LRP11: variants seen among roughly 807,000 people sequenced by gnomAD.
LRP11 encodes low-density lipoprotein receptor-related protein 11.
LRP11 carries 25 observed loss-of-function variants against 43.1 expected under a neutral mutation model. The observed-to-expected ratio is 0.58, with a 90% CI of 0.42 to 0.81. The LOEUF (loss-of-function observed/expected upper bound fraction) is 0.81, where lower values mean the gene tolerates loss of function less well. Ranked by LOEUF, LRP11 falls within the 30% of genes least tolerant of loss-of-function variation. The pLI is 0.00. For missense variants in LRP11, 623 were observed against 665.1 expected, an observed-to-expected ratio of 0.94 and a Z score of 0.70; for synonymous variants, 316 against 299.4, an observed-to-expected ratio of 1.06 and a Z score of -0.57.
At chr6:149,835,114 AGT>A (rs1396104417) in intron 5 of LRP11, among the ~76,000 whole-genome samples, 1 of 152,218 alleles carries the variant, frequency 6.6e-6, no homozygotes, top group Non-Finnish European at 1.5e-5. Context: ...GCAAATAATA[AGT>A]GTGTAAAAAA....
chr6:149,820,395 A>G lies in LRP11; in HGVS notation c.*154T>C, dbSNP rs14314. 2 of 469,484 alleles carry G rather than the reference A, an allele frequency of 4.3e-6. No homozygotes were observed. 29.1% of individuals were successfully genotyped at this position (469,484 alleles called of 1,614,324 possible). On this transcript the variant is annotated 3_prime_UTR_variant, in exon 7 of 7. Transcript: ENST00000239367. ...AAAATATTTTATGACTTCTAAGGAA[A>G]CTTTTTTTACAATAAATAATAAAGA...
chr6:149,857,250 G>A (rs189482272), intron 1 of LRP11, among the ~76,000 whole-genome samples: 3 of 152,232 alleles, frequency 2.0e-5, no homozygotes, highest in African/African-American at 7.2e-5. Context: ...AAACAGACGC[G>A]GCCGGGTGTG....
intron 6 of LRP11, among the ~76,000 whole-genome samples, chr6:149,823,115 C>A (rs1013045757): frequency 6.6e-6 from 1 of 152,086 alleles, no homozygotes; most frequent in African/African-American, 2.4e-5. Context: ...AATAGGAGGA[C>A]AACCGCTATA....
intron 3 of LRP11, among the ~76,000 whole-genome samples, chr6:149,842,335 T>C (rs899658912): frequency 6.6e-6 from 1 of 152,232 alleles, no homozygotes; most frequent in African/African-American, 2.4e-5. Flanking sequence ...TATGTTTGCA[T>C]TGTGGAATGA....
rs937348365 is a variant in LRP11 at position 149,819,991 on chromosome 6, AAGGC to A, written c.*554_*557del. On this transcript the variant is annotated 3_prime_UTR_variant, in exon 7 of 7. Transcript: ENST00000239367. ...GGAAGGACCCACACTCACCTTCCCT[AAGGC>A]TTACTGACTTGTACATAAGGTTTAT... 1 of 152,634 alleles carries A rather than the reference AAGGC, an allele frequency of 6.6e-6. No individual in the cohort carries two copies. Among genetic ancestry groups the A allele is most frequent in the Non-Finnish European group, 1.5e-5 (1 of 68,418 alleles). The allele number at this position is 152,634 out of a possible 1,614,324, so 9.5% of individuals were successfully genotyped here. A position where few individuals can be genotyped will look rare whatever the true frequency, so the allele number is the denominator to read the frequency against.
chr6:149,858,412 A>G (rs1776835488), intron 1 of LRP11, among the ~76,000 whole-genome samples: 1 of 152,164 alleles, frequency 6.6e-6, no homozygotes, highest in South Asian at 2.1e-4. Context: ...TCCATGGAGT[A>G]TATGTGCCAC....
intron 2 of LRP11, chr6:149,852,637 T>G (rs1046408011): frequency 1.2e-5 from 2 of 166,070 alleles, no homozygotes; most frequent in African/African-American, 4.7e-5. Flanking sequence ...TAGACTCCTT[T>G]GTAGTTTCAA....
rs57292379 is a variant in LRP11, at chr6:149,847,824, TACACACACACACACACACACAC to T, written c.772-4722_772-4701del. Among the ~76,000 whole-genome samples the T allele has an allele frequency of 2.7e-3, 354 of 131,130 alleles. 1 individual carries two copies. The highest frequency in any genetic ancestry group is 4.1e-3 in the Non-Finnish European group (252 of 61,478). The allele number at this position is 131,130 out of a possible 152,430, so 86.0% of individuals were successfully genotyped here. On this transcript the variant is annotated intron_variant, in intron 2 of 6. Transcript: ENST00000239367. ...CTTCTCATATATGTCTAAACTAAAT[TACACACACACACACACACACAC>T]ACACACACACACACACACACACACA...
rs187995159 is a variant in LRP11 at position 149,838,481 on chromosome 6, C to T, written c.914-1018G>A. Among the ~76,000 whole-genome samples, 558 of 151,416 alleles carry T rather than the reference C, an allele frequency of 3.7e-3. 3 individuals are homozygous for T. The highest frequency in any genetic ancestry group is 0.012 in the African/African-American group (508 of 41,334). On this transcript the variant is annotated intron_variant, in intron 3 of 6. Coordinates refer to ENST00000239367, the MANE Select transcript of LRP11 (RefSeq NM_032832.6). ...CGGGTGGATCACAAGGTCAGGAGAT[C>T]GAGACCATCCTGGCTAACACGGTGA...
At chr6:149,860,508 T>C (rs116008360) in intron 1 of LRP11, among the ~76,000 whole-genome samples, 240 of 149,032 alleles carry the variant, frequency 1.6e-3, no homozygotes, top group African/African-American at 5.6e-3. Flanking sequence ...AACAGTATCA[T>C]GTACATGCGT....
chr6:149,823,215 G>A (rs1236116991), intron 6 of LRP11, among the ~76,000 whole-genome samples: 1 of 152,212 alleles, frequency 6.6e-6, no homozygotes, highest in Non-Finnish European at 1.5e-5. Flanking sequence ...GTCAAGTGAG[G>A]TGAAGCCTGG....
At chr6:149,825,147 AAAG>A (rs1172110344) in intron 6 of LRP11, among the ~76,000 whole-genome samples, 2 of 152,184 alleles carry the variant, frequency 1.3e-5, no homozygotes, top group African/African-American at 4.8e-5. Context: ...AATAGGGTAA[AAAG>A]AAAGTTTTCT....
At chr6:149,829,597 A>T (rs1051812690) in intron 5 of LRP11, among the ~76,000 whole-genome samples, 1 of 151,824 alleles carries the variant, frequency 6.6e-6, no homozygotes, top group African/African-American at 2.4e-5. Context: ...AAAAATAAAA[A>T]TAAAATTAAA....
chr6:149,862,119 C>G (rs1466273859), intron 1 of LRP11, among the ~76,000 whole-genome samples: 1 of 152,172 alleles, frequency 6.6e-6, no homozygotes, highest in South Asian at 2.1e-4. Flanking sequence ...GCTATGGAGT[C>G]CTTCCCAGTG....
intron 5 of LRP11, 139 bp downstream of exon 5, chr6:149,835,944 CCG>C: frequency 1.3e-6 from 1 of 745,790 alleles, no homozygotes; most frequent in Non-Finnish European, 2.2e-6. Context: ...AGATTTCCCC[CCG>C]CCTTTCTGGC....
chr6:149,849,361 T>C (rs1776686383), intron 2 of LRP11, among the ~76,000 whole-genome samples: 1 of 152,080 alleles, frequency 6.6e-6, no homozygotes, highest in Non-Finnish European at 1.5e-5. Flanking sequence ...AATATTCAGT[T>C]AAGTGGATGT....
intron 2 of LRP11, among the ~76,000 whole-genome samples, chr6:149,844,917 G>A (rs1776609728): frequency 6.6e-6 from 1 of 152,190 alleles, no homozygotes; most frequent in Admixed American, 6.5e-5. Context: ...TGGATTTCCA[G>A]GTCCCAGCCT....
In LRP11 at chr6:149,864,262, C is replaced by A. The variant is rs943820490; in HGVS notation, c.-242G>T. ...CACCGCTCCTTGCCCTCGCCGGAGA[C>A]TGCCCAGCGCCCTGCGCCTCTCCGC... On this transcript the variant is annotated 5_prime_UTR_variant, in exon 1 of 7. Coordinates refer to ENST00000239367, the MANE Select transcript of LRP11 (RefSeq NM_032832.6). 9.1e-5 allele frequency: 98 copies of A among 1,073,050 alleles called. No homozygotes were observed. The highest frequency in any genetic ancestry group is 1.0e-4 in the Non-Finnish European group (89 of 888,196). The allele number at this position is 1,073,050 out of a possible 1,614,324, so 66.5% of individuals were successfully genotyped here.
intron 3 of LRP11, among the ~76,000 whole-genome samples, chr6:149,841,146 T>C (rs1776540561): frequency 6.6e-6 from 1 of 152,206 alleles, no homozygotes; most frequent in East Asian, 1.9e-4. Context: ...TGACAAGTCC[T>C]TAGGATCCTA....
Sources: gnomAD v4.1 joint callset for allele counts (sites outside exome capture counted in the v4.1 genomes callset) on GRCh38, gnomAD v4.1.1 for gene constraint, MANE v1.5 for transcripts, NCBI Gene and HGNC (gene_info 2026-07-23, HGNC 2026-07-21) for gene names.